The following MTCL1 variants were observed in gnomAD, a reference collection of about 807,000 sequenced individuals.
MTCL1 encodes microtubule cross-linking factor 1.
In MTCL1, 79 loss-of-function variants were observed where a neutral mutation model predicts 141.4. That is an observed-to-expected ratio of 0.56 (90% CI 0.47 to 0.67). The LOEUF (loss-of-function observed/expected upper bound fraction) is 0.67, where lower values mean the gene tolerates loss of function less well. MTCL1 is among the 30% of genes least tolerant of loss of function. The pLI is 0.00. For synonymous variants in MTCL1, 914 were observed against 875.8 expected (o/e 1.04, Z -0.77); for missense variants, 2,177 against 2,113.9 (o/e 1.03, Z -0.59).
chr18:8,777,758 TG>T, intron 4 of MTCL1, 74 bp from the exon 4 acceptor site: 2 of 1,362,714 alleles, frequency 1.5e-6, no homozygotes, highest in Non-Finnish European at 2.1e-6. Flanking sequence ...TCCCCACCCA[TG>T]GGGACGATGT....
intron 1 of MTCL1, among the ~76,000 whole-genome samples, chr18:8,710,537 A>G (rs1055953719): frequency 3.3e-5 from 5 of 151,072 alleles, no homozygotes; most frequent in South Asian, 2.1e-4. Context: ...GCCTTAATAG[A>G]AACAAAACTG....
rs960127503 is a variant in MTCL1, at chr18:8,779,675, T to C, written c.417+1783T>C. Among the ~76,000 whole-genome samples, 1 of 151,850 alleles carries C rather than the reference T, an allele frequency of 6.6e-6. No individual in the cohort carries two copies. Among genetic ancestry groups the C allele is most frequent in the Admixed American group, 6.6e-5 (1 of 15,262 alleles). On this transcript the variant is annotated intron_variant, in intron 5 of 16. Coordinates refer to ENST00000359865, the Ensembl canonical transcript of MTCL1. The surrounding 1 kb of genome is among the most constrained non-coding windows in gnomAD (Gnocchi z 4.1). ...TGACTCCTTCATTTAATATACACTCTCCCATGGCTTCCAGGACAGTCTTTC... is the reference window on the plus strand; with the variant it reads ...TGACTCCTTCATTTAATATACACTCCCCCATGGCTTCCAGGACAGTCTTTC...
At chr18:8,706,387 C>G (rs1330386803) in exon 1 of MTCL1, 10 of 1,229,408 alleles carry the variant, frequency 8.1e-6, no homozygotes, top group Non-Finnish European at 1.0e-5. Flanking sequence ...CTCCAGCGAC[C>G]GTGAACCCCC....
Position 8,830,997 on chromosome 18 carries a change from TTA to T in MTCL1, c.*19-609_*19-608del. 1.0e-6 allele frequency: 1 copy of T among 986,070 alleles called. No homozygotes were observed. The highest frequency in any genetic ancestry group is 1.7e-5 in the African/African-American group (1 of 57,372). The allele number at this position is 986,070 out of a possible 1,614,324, so 61.1% of individuals were successfully genotyped here. A position where few individuals can be genotyped will look rare whatever the true frequency, so the allele number is the denominator to read the frequency against. ...AAATGCTGCTGCAATTGAACAGTCATTAAAGAAAACCAGACCCAAATTAAAAT... is the reference window on the plus strand; with the variant it reads ...AAATGCTGCTGCAATTGAACAGTCATAAGAAAACCAGACCCAAATTAAAAT... On this transcript the variant is annotated intron_variant, in intron 16 of 16. Coordinates refer to ENST00000359865, the Ensembl canonical transcript of MTCL1. This position sits in a 1 kb window ranked among gnomAD's most constrained non-coding sequence, Gnocchi z 6.4.
chr18:8,775,521 C>T (rs59540844), intron 4 of MTCL1, among the ~76,000 whole-genome samples: 5 of 151,882 alleles, frequency 3.3e-5, no homozygotes, highest in Admixed American at 1.3e-4. Flanking sequence ...TGCAGTGAGC[C>T]GAGATTGCAC....
At chr18:8,714,246 A>C (rs755888140), upstream of MTCL1, among the ~76,000 whole-genome samples, 4 of 152,214 alleles carry the variant, frequency 2.6e-5, no homozygotes, top group Non-Finnish European at 5.9e-5. Flanking sequence ...AGCTTTGGAC[A>C]CAGGTAACTA....
intron 7 of MTCL1, chr18:8,786,517 ATCCCACGG>A (rs1167755553): frequency 1.4e-5 from 5 of 369,126 alleles, no homozygotes; most frequent in African/African-American, 1.1e-4. Flanking sequence ...TCATGTGACC[ATCCCACGG>A]TCTCGAGTGA....
rs148972780 is a variant in MTCL1 at position 8,735,284 on chromosome 18, C to G, written c.357+14788C>G. Among the ~76,000 whole-genome samples the G allele has an allele frequency of 7.0e-3, 1,065 of 152,330 alleles. 8 individuals are homozygous for G. Among genetic ancestry groups the G allele is most frequent in the Middle Eastern group, 0.02 (6 of 294 alleles). ...CCTGCCACTCATCAGTTCTACTCCA[C>G]TCCTCTGCCACCTTCAGTTTCTTTT... On this transcript the variant is annotated intron_variant, in intron 4 of 16. Transcript: ENST00000359865.
exon 1 of MTCL1, chr18:8,706,076 A>C: frequency 1.7e-6 from 2 of 1,198,394 alleles, no homozygotes; most frequent in African/African-American, 1.6e-5. Flanking sequence ...GCGCCCGCGG[A>C]GCCGCTGTCC....
chr18:8,756,174 T>A (rs768325904), intron 4 of MTCL1, among the ~76,000 whole-genome samples: 7 of 152,108 alleles, frequency 4.6e-5, no homozygotes, highest in Non-Finnish European at 1.0e-4. Flanking sequence ...ATTTAACACG[T>A]TCATACTGGG....
chr18:8,788,200 C>G (rs967961430), intron 7 of MTCL1, among the ~76,000 whole-genome samples: 9 of 152,184 alleles, frequency 5.9e-5, no homozygotes, highest in African/African-American at 2.2e-4. Flanking sequence ...CACCTTCATG[C>G]AGACTGAGGC....
chr18:8,772,585 T>C (rs1343690582), intron 4 of MTCL1, among the ~76,000 whole-genome samples: 1 of 150,772 alleles, frequency 6.6e-6, no homozygotes, highest in Admixed American at 6.6e-5. Flanking sequence ...GTATATATGT[T>C]ATATATTATT....
chr18:8,776,719 CTAGTTATTTATT>C (rs1446278476), intron 4 of MTCL1, among the ~76,000 whole-genome samples: 4 of 138,754 alleles, frequency 2.9e-5, no homozygotes, highest in African/African-American at 1.1e-4. Flanking sequence ...TCAGGAAACA[CTAGTTATTTATT>C]TATTTATTTA....
chr18:8,770,837 T>C (rs1162891747), intron 4 of MTCL1, among the ~76,000 whole-genome samples: 2 of 152,186 alleles, frequency 1.3e-5, no homozygotes, highest in African/African-American at 4.8e-5. Context: ...GAAGTGGATT[T>C]GTTTTTTTGG....
chr18:8,712,598 A>G (rs1237832937), upstream of MTCL1, among the ~76,000 whole-genome samples: 1 of 152,150 alleles, frequency 6.6e-6, no homozygotes, highest in Admixed American at 6.5e-5. Context: ...CGCTGTCCAT[A>G]CCCACTCTGT....
intron 4 of MTCL1, among the ~76,000 whole-genome samples, chr18:8,775,332 AG>A (rs1328784362): frequency 2.0e-5 from 3 of 150,272 alleles, no homozygotes; most frequent in Non-Finnish European, 4.4e-5. Flanking sequence ...GCACTTTAGG[AG>A]GCTGAGGCAG....
intron 4 of MTCL1, among the ~76,000 whole-genome samples, chr18:8,748,538 C>A (rs1213648901): frequency 6.6e-6 from 1 of 151,984 alleles, no homozygotes; most frequent in African/African-American, 2.4e-5. Context: ...CAAAGCAAGA[C>A]CCTGTCTCCA....
Position 8,828,844 on chromosome 18 carries a change from CCT to C in MTCL1, c.4723-63_4723-62del. On this transcript the variant is annotated intron_variant, in intron 15 of 16. Transcript: ENST00000359865. This position sits in a 1 kb window ranked among gnomAD's most constrained non-coding sequence, Gnocchi z 5.2. ...GCTGACTTTAAACCTTTATTGTTCT[CCT>C]GTTTAAAAAACACTTTCCAACCTTC... The C allele has an allele frequency of 6.2e-7, 1 of 1,612,512 alleles. No homozygotes were observed. Among genetic ancestry groups the C allele is most frequent in the Non-Finnish European group, 8.5e-7 (1 of 1,179,640 alleles).
intron 4 of MTCL1, among the ~76,000 whole-genome samples, chr18:8,754,045 T>C (rs2096385079): frequency 6.6e-6 from 1 of 152,208 alleles, no homozygotes; most frequent in South Asian, 2.1e-4. Flanking sequence ...AAGCAACTGG[T>C]TGAAATTTTC....
Sources: allele counts gnomAD v4.1 joint callset (sites outside exome capture counted in the v4.1 genomes callset), GRCh38; gene constraint gnomAD v4.1.1; non-coding constraint Gnocchi (gnomAD v3.1); transcripts MANE v1.5; gene names NCBI Gene and HGNC (gene_info 2026-07-23, HGNC 2026-07-21).